The following ZBTB40 variants were observed in gnomAD, a reference collection of about 807,000 sequenced individuals.
The protein encoded by ZBTB40 is zinc finger and BTB domain-containing protein 40.
In ZBTB40, 60 loss-of-function variants were observed where a neutral mutation model predicts 117.5. The ratio of observed to expected loss-of-function variants is 0.51; its 90% CI spans 0.41 to 0.63. ZBTB40 has a LOEUF of 0.63. Among genes scored for constraint, ZBTB40 ranks in the 30% least tolerant of loss-of-function variants. The pLI is 0.00. For missense variants in ZBTB40, 1,287 were observed against 1,498.5 expected (o/e 0.86, Z 2.33); for synonymous variants, 525 against 577.1 (o/e 0.91, Z 1.29).
At chr1:22,438,644 A>G (rs1230625402) in intron 1 of ZBTB40, among the ~76,000 whole-genome samples, 1 of 152,196 alleles carries the variant, frequency 6.6e-6, no homozygotes, top group Admixed American at 6.5e-5. Flanking sequence ...AACAGTGCAC[A>G]AGGATTCCCG....
chr1:22,502,728 C>CAGAT (rs1557511158), intron 5 of ZBTB40, among the ~76,000 whole-genome samples: 3 of 151,976 alleles, frequency 2.0e-5, no homozygotes, highest in African/African-American at 7.3e-5. Flanking sequence ...GATGGACGGA[C>CAGAT]GGACGGATGG....
At chr1:22,457,398 C>T (rs905355716) in intron 1 of ZBTB40, among the ~76,000 whole-genome samples, 1 of 152,194 alleles carries the variant, frequency 6.6e-6, no homozygotes, top group African/African-American at 2.4e-5. Context: ...TTAGGATATT[C>T]TGTAAAACTG....
chr1:22,507,391 C>T (rs1406350415), intron 6 of ZBTB40, among the ~76,000 whole-genome samples: 4 of 152,158 alleles, frequency 2.6e-5, no homozygotes, highest in Non-Finnish European at 5.9e-5. Flanking sequence ...TGTCTTTGTA[C>T]ATAGACAAAG....
intron 1 of ZBTB40, among the ~76,000 whole-genome samples, chr1:22,464,342 T>C (rs1453263256): frequency 6.6e-6 from 1 of 152,204 alleles, no homozygotes; most frequent in Non-Finnish European, 1.5e-5. Flanking sequence ...AGAAAGGGTG[T>C]AGTTGGGCAA....
At chr1:22,479,634 T>C (rs939527984) in intron 1 of ZBTB40, among the ~76,000 whole-genome samples, 3 of 152,196 alleles carry the variant, frequency 2.0e-5, no homozygotes, top group Admixed American at 6.5e-5. Flanking sequence ...TAAAACTCAT[T>C]CTTTAATTCT....
intron 1 of ZBTB40, among the ~76,000 whole-genome samples, chr1:22,468,468 T>C (rs1312664329): frequency 0.046 from 4,997 of 107,816 alleles, 837 homozygotes; most frequent in African/African-American, 0.089. Context: ...ATGTTTCCTT[T>C]TTTTTTTTTT....
intron 3 of ZBTB40, among the ~76,000 whole-genome samples, chr1:22,496,411 AC>A (rs1191946591): frequency 1.3e-5 from 2 of 152,200 alleles, no homozygotes; most frequent in African/African-American, 4.8e-5. Context: ...TTGATATAAA[AC>A]AACTAAGTTA....
intron 15 of ZBTB40, 79 bp downstream of exon 15, chr1:22,521,737 T>C: frequency 3.1e-6 from 5 of 1,588,648 alleles, no homozygotes; most frequent in Non-Finnish European, 4.3e-6. Context: ...AAATCCCCAC[T>C]TCTAATAGTC....
intron 16 of ZBTB40, among the ~76,000 whole-genome samples, chr1:22,523,371 G>T (rs1378881454): frequency 6.6e-6 from 1 of 152,066 alleles, no homozygotes; most frequent in African/African-American, 2.4e-5. Flanking sequence ...ATTTGACATA[G>T]ATTTTTATCA....
At chr1:22,454,785 A>G (rs1640966929) in intron 1 of ZBTB40, among the ~76,000 whole-genome samples, 1 of 152,266 alleles carries the variant, frequency 6.6e-6, no homozygotes, top group Non-Finnish European at 1.5e-5. Flanking sequence ...TGCCTCCTCA[A>G]AGGGTTGTGC....
chr1:22,448,434 C>T (rs1027658965), upstream of ZBTB40, among the ~76,000 whole-genome samples: 2 of 152,018 alleles, frequency 1.3e-5, no homozygotes, highest in Non-Finnish European at 1.5e-5. Context: ...GGATTTACAG[C>T]GATTCTGTTT....
intron 3 of ZBTB40, among the ~76,000 whole-genome samples, chr1:22,498,060 A>G (rs1638826171): frequency 1.3e-5 from 2 of 152,176 alleles, no homozygotes; most frequent in African/African-American, 2.4e-5. Flanking sequence ...GAGTTAAGGG[A>G]AAGATTAAAT....
At chr1:22,451,384 G>A (rs556414903), upstream of ZBTB40, among the ~76,000 whole-genome samples, 1 of 152,302 alleles carries the variant, frequency 6.6e-6, no homozygotes, top group South Asian at 2.1e-4. Context: ...CCTTAGGGCC[G>A]GGCATGGTGG....
At chr1:22,455,997 G>A (rs749539179) in intron 1 of ZBTB40, among the ~76,000 whole-genome samples, 14 of 152,156 alleles carry the variant, frequency 9.2e-5, no homozygotes, top group Non-Finnish European at 1.6e-4. Context: ...GGAAGGCAGT[G>A]ACCCCTCAGC....
chr1:22,511,440 C>A, intron 10 of ZBTB40, 93 bp downstream of exon 10: 2 of 1,534,274 alleles, frequency 1.3e-6, no homozygotes, highest in Non-Finnish European at 1.8e-6. Flanking sequence ...TAGTTTATCA[C>A]AACCTTAAGT....
intron 9 of ZBTB40, among the ~76,000 whole-genome samples, chr1:22,510,213 C>T (rs1214836839): frequency 1.3e-5 from 2 of 152,184 alleles, no homozygotes; most frequent in East Asian, 1.9e-4. Flanking sequence ...AAATGTAGTG[C>T]CCTTTTGATT....
Position 22,462,531 on chromosome 1 carries a change from C to T in ZBTB40, c.-70+10527C>T, listed in dbSNP as rs955676677. 4.6e-5 allele frequency among the ~76,000 whole-genome samples: 7 copies of T among 152,220 alleles called. No homozygotes were observed. The South Asian group carries it at 6.2e-4, about 13-fold the overall frequency. ...CTTTTCCAAAATGTTGTCGTCTTTA[C>T]GTTCCACTTAGAATATATATCTAAG... On this transcript the variant is annotated intron_variant, in intron 1 of 17. Transcript: ENST00000375647.
At chr1:22,463,659 T>C (rs1346663589) in intron 1 of ZBTB40, among the ~76,000 whole-genome samples, 1 of 152,232 alleles carries the variant, frequency 6.6e-6, no homozygotes, top group African/African-American at 2.4e-5. Flanking sequence ...TAAAGAGTTA[T>C]CTTGGATGAA....
chr1:22,503,199 A>G (rs1024170414), intron 5 of ZBTB40, among the ~76,000 whole-genome samples: 2 of 150,838 alleles, frequency 1.3e-5, no homozygotes, highest in African/African-American at 2.4e-5. Flanking sequence ...TTCCCTTACT[A>G]TAATTTCTAA....
Sources: allele counts gnomAD v4.1 joint callset (sites outside exome capture counted in the v4.1 genomes callset), GRCh38; gene constraint gnomAD v4.1.1; transcripts MANE v1.5; gene names NCBI Gene and HGNC (gene_info 2026-07-23, HGNC 2026-07-21).